The following NRG3 variants were observed in gnomAD, a reference collection of about 807,000 sequenced individuals.
NRG3 encodes the protein pro-neuregulin-3, membrane-bound isoform.
A neutral mutation model predicts 66.9 loss-of-function variants in NRG3; 31 were observed. The ratio of observed to expected loss-of-function variants is 0.46; its 90% CI spans 0.35 to 0.63. The LOEUF (loss-of-function observed/expected upper bound fraction) is 0.63. Among genes scored for constraint, NRG3 ranks in the 20% least tolerant of loss-of-function variants. The probability of loss-of-function intolerance (pLI) is 0.00; values close to 1 mark genes in which losing one functional copy is unlikely to be tolerated. For synonymous variants in NRG3, 393 were observed against 359.4 expected, an observed-to-expected ratio of 1.09 and a Z score of -1.06; for missense variants, 910 against 878.9, an observed-to-expected ratio of 1.04 and a Z score of -0.45.
At chr10:82,354,811 A>G (rs928268088) in intron 1 of NRG3, among the ~76,000 whole-genome samples, 2 of 152,168 alleles carry the variant, frequency 1.3e-5, no homozygotes, top group African/African-American at 4.8e-5. Context: ...TGGTCCAGTC[A>G]GACAGTCAGA....
chr10:82,518,574 A>C (rs781216393), intron 2 of NRG3, among the ~76,000 whole-genome samples: 1 of 152,232 alleles, frequency 6.6e-6, no homozygotes, highest in Non-Finnish European at 1.5e-5. Context: ...CTTTAAAAAT[A>C]TTTTATTTGG....
chr10:82,160,404 C>T (rs2071496419), intron 1 of NRG3, among the ~76,000 whole-genome samples: 1 of 151,924 alleles, frequency 6.6e-6, no homozygotes, highest in African/African-American at 2.4e-5. Context: ...TGGGAAAAGT[C>T]ATAGGATACT....
intron 2 of NRG3, among the ~76,000 whole-genome samples, chr10:82,645,427 C>A (rs1416611032): frequency 6.6e-6 from 1 of 152,128 alleles, no homozygotes; most frequent in Non-Finnish European, 1.5e-5. Context: ...TTAGAATTGC[C>A]CCACCCATAT....
At chr10:82,694,938 T>C (rs932175476) in intron 2 of NRG3, among the ~76,000 whole-genome samples, 10 of 152,142 alleles carry the variant, frequency 6.6e-5, no homozygotes, top group Non-Finnish European at 1.0e-4. Context: ...ATCAATAGGA[T>C]TTTAAGGCAG....
At chr10:82,275,169 A>C (rs1343567255) in intron 1 of NRG3, among the ~76,000 whole-genome samples, 1 of 152,110 alleles carries the variant, frequency 6.6e-6, no homozygotes, top group African/African-American at 2.4e-5. Flanking sequence ...TAAAAAGTAT[A>C]CTTGTACATC....
chr10:82,145,371 A>T (rs915219052), intron 1 of NRG3, among the ~76,000 whole-genome samples: 1 of 152,224 alleles, frequency 6.6e-6, no homozygotes, highest in Non-Finnish European at 1.5e-5. Flanking sequence ...GCATTTAGTT[A>T]TAACATATTT....
rs1035248258 is a variant in NRG3, at chr10:82,369,210, C to T, written c.953+10342C>T. Among the ~76,000 whole-genome samples the T allele has an allele frequency of 7.5e-4, 104 of 138,958 alleles. 28 individuals are homozygous for T. The highest frequency in any genetic ancestry group is 3.2e-3 in the African/African-American group (96 of 30,182). 91.2% of individuals were successfully genotyped at this position (138,958 alleles called of 152,430 possible). A position where few individuals can be genotyped will look rare whatever the true frequency, so the allele number is the denominator to read the frequency against. ...GGCTGACACCAGGTTCTACATGCTT[C>T]GCCTCCCCACTAAACTCTCTCCTTT... On this transcript the variant is annotated intron_variant, in intron 2 of 8. Coordinates refer to ENST00000372141, the MANE Select transcript of NRG3 (RefSeq NM_001010848.4).
intron 1 of NRG3, among the ~76,000 whole-genome samples, chr10:82,048,056 G>A (rs370106770): frequency 0.24 from 35,346 of 147,738 alleles, 4,398 homozygotes; most frequent in Middle Eastern, 0.31. Flanking sequence ...TAACTATCCT[G>A]AATATATATG....
chr10:82,205,061 A>G (rs1264347008), intron 1 of NRG3, among the ~76,000 whole-genome samples: 1 of 152,170 alleles, frequency 6.6e-6, no homozygotes. Context: ...GTACATGGAG[A>G]TATGCAATAA....
chr10:82,059,633 T>A (rs186553336), intron 1 of NRG3, among the ~76,000 whole-genome samples: 10 of 152,254 alleles, frequency 6.6e-5, no homozygotes, highest in African/African-American at 1.9e-4. Context: ...TTACTTCTCG[T>A]CCCAATTCAA....
At chr10:81,960,647 C>T (rs1850270516) in intron 1 of NRG3, among the ~76,000 whole-genome samples, 1 of 151,396 alleles carries the variant, frequency 6.6e-6, no homozygotes, top group Non-Finnish European at 1.5e-5. Flanking sequence ...AAGCGTTACA[C>T]TTTGTTTACT....
chr10:82,067,536 C>T (rs1004884396), intron 1 of NRG3, among the ~76,000 whole-genome samples: 3 of 152,116 alleles, frequency 2.0e-5, no homozygotes, highest in South Asian at 2.1e-4. Context: ...TTAGTAGAGA[C>T]GGGTTTTCGC....
At chr10:82,431,473 G>T (rs1053320552) in intron 2 of NRG3, among the ~76,000 whole-genome samples, 9 of 152,084 alleles carry the variant, frequency 5.9e-5, no homozygotes, top group Non-Finnish European at 1.2e-4. Context: ...TGAATAAATT[G>T]TTCTAGCATT....
intron 1 of NRG3, among the ~76,000 whole-genome samples, chr10:82,213,536 A>G (rs1193451155): frequency 1.3e-5 from 2 of 152,164 alleles, no homozygotes; most frequent in African/African-American, 2.4e-5. Flanking sequence ...AGGAAATCCA[A>G]AATCTGAAAC....
chr10:82,269,861 G>A (rs937935653), intron 1 of NRG3, among the ~76,000 whole-genome samples: 1 of 152,072 alleles, frequency 6.6e-6, no homozygotes, highest in Admixed American at 6.6e-5. Flanking sequence ...CACTTTGAAA[G>A]ACACGGATTT....
intron 1 of NRG3, among the ~76,000 whole-genome samples, chr10:81,913,034 A>G (rs944096576): frequency 6.6e-6 from 1 of 152,012 alleles, no homozygotes; most frequent in Non-Finnish European, 1.5e-5. Flanking sequence ...TTTAATTTCC[A>G]AATCTTTAAA....
At chr10:82,036,566 T>C (rs550725338) in intron 1 of NRG3, among the ~76,000 whole-genome samples, 1 of 151,896 alleles carries the variant, frequency 6.6e-6, no homozygotes, top group Non-Finnish European at 1.5e-5. Flanking sequence ...ATGGTTTTTT[T>C]CCCATGGAAG....
intron 2 of NRG3, among the ~76,000 whole-genome samples, chr10:82,618,394 G>C (rs1387441216): frequency 6.6e-6 from 1 of 152,112 alleles, no homozygotes; most frequent in Admixed American, 6.5e-5. Flanking sequence ...ACAATCCAAA[G>C]TTGAATGAAG....
intron 2 of NRG3, among the ~76,000 whole-genome samples, chr10:82,681,911 ATGCTGATACC>A (rs1591149664): frequency 6.6e-6 from 1 of 152,326 alleles, no homozygotes; most frequent in East Asian, 1.9e-4. Context: ...TCACAAGAGA[ATGCTGATACC>A]TGCATTTCTC....
Sources: gnomAD v4.1 joint callset for allele counts (sites outside exome capture counted in the v4.1 genomes callset) on GRCh38, gnomAD v4.1.1 for gene constraint, MANE v1.5 for transcripts, NCBI Gene and HGNC (gene_info 2026-07-23, HGNC 2026-07-21) for gene names.